Variants in APP observed in about 807,000 individuals in gnomAD.
APP encodes the protein amyloid-beta precursor protein.
A neutral mutation model predicts 101.4 loss-of-function variants in APP; 31 were observed. The ratio of observed to expected loss-of-function variants is 0.31; its 90% CI spans 0.23 to 0.41. The LOEUF is 0.41. Ranked by LOEUF, APP falls within the 10% of genes least tolerant of loss-of-function variation. APP has a pLI of 1.00. For missense variants in APP, 839 were observed against 1,003.7 expected, an observed-to-expected ratio of 0.84 and a Z score of 2.22; for synonymous variants, 366 against 364.4, an observed-to-expected ratio of 1.00 and a Z score of -0.05.
chr21:26,026,721 CAG>C (rs1197784240), intron 5 of APP, among the ~76,000 whole-genome samples: 1 of 152,196 alleles, frequency 6.6e-6, no homozygotes, highest in African/African-American at 2.4e-5. Flanking sequence ...AGGAGGAACA[CAG>C]AGGATTTGGG....
At chr21:26,168,193 A>G (rs1407629983) in intron 1 of APP, among the ~76,000 whole-genome samples, 1 of 152,212 alleles carries the variant, frequency 6.6e-6, no homozygotes, top group African/African-American at 2.4e-5. Flanking sequence ...CAAAATCATC[A>G]ACCCAGATAA....
chr21:26,154,000 C>A (rs1757739363), intron 1 of APP, among the ~76,000 whole-genome samples: 1 of 152,136 alleles, frequency 6.6e-6, no homozygotes, highest in Admixed American at 6.5e-5. Context: ...GAGTTTACAA[C>A]AAAAGAACAC....
At chr21:26,083,168 T>C (rs2061631581) in intron 3 of APP, among the ~76,000 whole-genome samples, 1 of 152,152 alleles carries the variant, frequency 6.6e-6, no homozygotes, top group Admixed American at 6.5e-5. Flanking sequence ...ACTATAAGAT[T>C]TGCAAGGCAT....
rs1037947437 is a variant in APP, at chr21:25,901,251, T to C, written c.1964-3578A>G. ...AAATGGGGGTTGCAGTGAGCTGGTA[T>C]CATGCCACTGTTCTCCAGCCTGGAA... On this transcript the variant is annotated intron_variant, in intron 15 of 17. Coordinates refer to ENST00000346798, the MANE Select transcript of APP (RefSeq NM_000484.4). Among the ~76,000 whole-genome samples, 24 of 139,208 alleles carry C rather than the reference T, an allele frequency of 1.7e-4. 1 individual carries two copies. Among genetic ancestry groups the C allele is most frequent in the East Asian group, 1.7e-3 (8 of 4,664 alleles). 91.3% of individuals were successfully genotyped at this position (139,208 alleles called of 152,430 possible). A position where few individuals can be genotyped will look rare whatever the true frequency, so the allele number is the denominator to read the frequency against.
intron 1 of APP, among the ~76,000 whole-genome samples, chr21:26,135,428 A>AC (rs1411769929): frequency 6.6e-6 from 1 of 152,230 alleles, no homozygotes; most frequent in Non-Finnish European, 1.5e-5. Flanking sequence ...TAATCATAGA[A>AC]CCATGACAAA....
At chr21:25,966,483 T>C (rs920714202) in intron 11 of APP, among the ~76,000 whole-genome samples, 3 of 152,224 alleles carry the variant, frequency 2.0e-5, no homozygotes, top group Admixed American at 1.3e-4. Context: ...CAACTTTTAA[T>C]TCCATTCTGA....
At chr21:25,983,754 G>A (rs147950153) in intron 8 of APP, among the ~76,000 whole-genome samples, 3 of 152,254 alleles carry the variant, frequency 2.0e-5, no homozygotes, top group Admixed American at 2.0e-4. Flanking sequence ...CAAGTGGAAG[G>A]AAGGAGGCAG....
chr21:26,091,590 C>A (rs770472842), intron 2 of APP, among the ~76,000 whole-genome samples: 46 of 152,066 alleles, frequency 3.0e-4, no homozygotes, highest in Non-Finnish European at 1.2e-4. Flanking sequence ...CTGATGACAG[C>A]AAGGCAGGAG....
At chr21:25,913,308 C>A (rs992177738) in intron 13 of APP, among the ~76,000 whole-genome samples, 2 of 152,148 alleles carry the variant, frequency 1.3e-5, no homozygotes, top group African/African-American at 4.8e-5. Context: ...GCAAATTAGT[C>A]CTTTTGAAGT....
chr21:25,887,950 T>C (rs1424073626), intron 17 of APP, among the ~76,000 whole-genome samples: 1 of 152,214 alleles, frequency 6.6e-6, no homozygotes, highest in South Asian at 2.1e-4. Flanking sequence ...GTTTCATTTA[T>C]ACATTTGTTC....
At chr21:26,081,775 T>C (rs1160844651) in intron 3 of APP, among the ~76,000 whole-genome samples, 3 of 152,250 alleles carry the variant, frequency 2.0e-5, no homozygotes, top group East Asian at 3.8e-4. Context: ...CCCATCCTTA[T>C]ATCAGTTTTT....
At chr21:25,947,954 G>A (rs1029204073) in intron 13 of APP, among the ~76,000 whole-genome samples, 5 of 141,628 alleles carry the variant, frequency 3.5e-5, no homozygotes, top group South Asian at 2.2e-4. Flanking sequence ...GCAGTGAGCC[G>A]AGATCACGCC....
chr21:26,012,693 G>A (rs1308406121), intron 6 of APP, among the ~76,000 whole-genome samples: 1 of 126,728 alleles, frequency 7.9e-6, no homozygotes, highest in Non-Finnish European at 1.6e-5. Context: ...ACGTGTGCCC[G>A]GTTGGGTGTG....
At chr21:26,070,468 A>C (rs1449512038) in intron 3 of APP, among the ~76,000 whole-genome samples, 2 of 152,214 alleles carry the variant, frequency 1.3e-5, no homozygotes, top group Non-Finnish European at 2.9e-5. Context: ...GAGAATTTTG[A>C]ACCATTTCTT....
chr21:26,094,398 G>A (rs956288034), intron 2 of APP, among the ~76,000 whole-genome samples: 1 of 151,830 alleles, frequency 6.6e-6, no homozygotes, highest in East Asian at 1.9e-4. Context: ...CCAACTCCCA[G>A]CTCAGAAAGC....
chr21:25,961,204 T>C (rs1042726506), intron 11 of APP, among the ~76,000 whole-genome samples: 22 of 151,932 alleles, frequency 1.4e-4, no homozygotes, highest in African/African-American at 4.4e-4. Context: ...CCACTTCGAG[T>C]CTTCCTGCTT....
intron 5 of APP, among the ~76,000 whole-genome samples, chr21:26,048,098 C>G (rs1417927648): frequency 6.6e-6 from 1 of 151,576 alleles, no homozygotes; most frequent in Admixed American, 6.6e-5. Context: ...TGGTGGATGA[C>G]GAGGTCAGGA....
At chr21:26,034,358 C>T (rs116611652) in intron 5 of APP, among the ~76,000 whole-genome samples, 3,229 of 152,150 alleles carry the variant, frequency 0.021, 102 homozygotes, top group African/African-American at 0.074. Flanking sequence ...AAGAAATCTA[C>T]TATCGGCCAG....
intron 8 of APP, 67 bp from the exon 9 acceptor site, chr21:25,982,544 T>A: frequency 6.7e-7 from 1 of 1,485,264 alleles, no homozygotes; most frequent in Non-Finnish European, 9.4e-7. Context: ...TCCACTCGTT[T>A]AATAGAAAGC....
Sources: allele counts gnomAD v4.1 joint callset (sites outside exome capture counted in the v4.1 genomes callset), GRCh38; gene constraint gnomAD v4.1.1; transcripts MANE v1.5; gene names NCBI Gene and HGNC (gene_info 2026-07-23, HGNC 2026-07-21).